MRPL13: variants seen among roughly 807,000 people sequenced by gnomAD.
MRPL13 encodes the protein mitochondrial ribosomal protein L13.
A neutral mutation model predicts 29.0 loss-of-function variants in MRPL13; 33 were observed. The observed-to-expected ratio is 1.14, with a 90% confidence interval of 0.86 to 1.52. The LOEUF (loss-of-function observed/expected upper bound fraction) is 1.52. Among genes scored for constraint, MRPL13 ranks in the 40% most tolerant of loss-of-function variants. MRPL13 has a pLI of 0.00. For missense variants in MRPL13, 227 were observed against 216.7 expected, an observed-to-expected ratio of 1.05 and a Z score of -0.30; for synonymous variants, 77 against 68.4, an observed-to-expected ratio of 1.13 and a Z score of -0.62.
intron 4 of MRPL13, among the ~76,000 whole-genome samples, chr8:120,424,288 C>T (rs542876803): frequency 6.6e-6 from 1 of 151,848 alleles, no homozygotes; most frequent in East Asian, 1.9e-4. Flanking sequence ...TAACACTAAA[C>T]CTTCAAAATA....
At chr8:120,440,098 G>A (rs149764960) in intron 2 of MRPL13, among the ~76,000 whole-genome samples, 1 of 152,248 alleles carries the variant, frequency 6.6e-6, no homozygotes, top group Non-Finnish European at 1.5e-5. Flanking sequence ...AGTGAAAGAA[G>A]GTAGATAATA....
At chr8:120,424,950 G>A (rs1272274680) in intron 4 of MRPL13, among the ~76,000 whole-genome samples, 1 of 151,708 alleles carries the variant, frequency 6.6e-6, no homozygotes, top group Non-Finnish European at 1.5e-5. Context: ...AATATAAGAA[G>A]AACACACTTA....
intron 5 of MRPL13, among the ~76,000 whole-genome samples, chr8:120,418,929 G>T (rs1019229937): frequency 6.6e-6 from 1 of 151,966 alleles, no homozygotes; most frequent in African/African-American, 2.4e-5. Flanking sequence ...AACTATTCAT[G>T]TATTGTTTAA....
chr8:120,423,062 C>CAGAAAAT (rs1393351488), intron 4 of MRPL13, among the ~76,000 whole-genome samples: 1 of 151,672 alleles, frequency 6.6e-6, no homozygotes, highest in Non-Finnish European at 1.5e-5. Flanking sequence ...ACATGATAAA[C>CAGAAAAT]AGAAGACTAT....
chr8:120,413,224 C>T (rs890036865), intron 6 of MRPL13, among the ~76,000 whole-genome samples: 1 of 152,174 alleles, frequency 6.6e-6, no homozygotes, highest in Non-Finnish European at 1.5e-5. Context: ...TAAATACTGG[C>T]TGAGTGTCTA....
chr8:120,406,914 T>C (rs1355275960), intron 6 of MRPL13, among the ~76,000 whole-genome samples: 2 of 152,174 alleles, frequency 1.3e-5, no homozygotes, highest in African/African-American at 4.8e-5. Flanking sequence ...CTTTCGAAAA[T>C]AGTATTACAT....
chr8:120,412,772 A>T (rs1812754294), intron 6 of MRPL13, among the ~76,000 whole-genome samples: 1 of 152,192 alleles, frequency 6.6e-6, no homozygotes, highest in African/African-American at 2.4e-5. Context: ...TGCCCCCTTG[A>T]AGCTGACATG....
chr8:120,442,596 C>T (rs1056004916), intron 2 of MRPL13, among the ~76,000 whole-genome samples: 3 of 152,112 alleles, frequency 2.0e-5, no homozygotes, highest in African/African-American at 7.2e-5. Flanking sequence ...AGTATGAGGA[C>T]TAAAAACTGA....
At chr8:120,437,208 A>G (rs1813064424) in intron 2 of MRPL13, among the ~76,000 whole-genome samples, 1 of 152,198 alleles carries the variant, frequency 6.6e-6, no homozygotes, top group African/African-American at 2.4e-5. Context: ...TTTTACATTT[A>G]ACTGAATAGT....
At chr8:120,401,174 C>G (rs1812592345) in intron 6 of MRPL13, among the ~76,000 whole-genome samples, 1 of 152,100 alleles carries the variant, frequency 6.6e-6, no homozygotes, top group African/African-American at 2.4e-5. Flanking sequence ...ATCCTAATAC[C>G]AAAATCTAGC....
intron 5 of MRPL13, 84 bp downstream of exon 5, chr8:120,419,768 G>T: frequency 9.9e-7 from 1 of 1,009,722 alleles, no homozygotes; most frequent in Non-Finnish European, 1.4e-6. Context: ...TTGAAAATAA[G>T]TCTGTGGCAT....
At position 120,416,481 on chromosome 8, in the gene MRPL13, G is replaced by A. The variant is rs548505578; in HGVS notation, c.394-2369C>T. On this transcript the variant is annotated intron_variant, in intron 5 of 6. Transcript: ENST00000306185. Reference sequence around the variant, plus strand: ...TGCACTCCAGCCTGGGTGACAGAGCGAGACTCCGTCTCAAAATAAATAAAT... The same window carrying A: ...TGCACTCCAGCCTGGGTGACAGAGCAAGACTCCGTCTCAAAATAAATAAAT... 2.3e-3 allele frequency among the ~76,000 whole-genome samples: 349 copies of A among 152,224 alleles called. 1 individual carries two copies. The highest frequency in any genetic ancestry group is 3.8e-3 in the Non-Finnish European group (260 of 68,006).
rs550364637 is a variant in MRPL13, at chr8:120,399,974, G to T, written c.516-3849C>A. Among the ~76,000 whole-genome samples, 6 of 152,292 alleles carry T rather than the reference G, an allele frequency of 3.9e-5. 1 individual carries two copies. Among genetic ancestry groups the T allele is most frequent in the African/African-American group, 1.2e-4 (5 of 41,566 alleles). ...TATGCACCTAATTCAGGAGTACGCA[G>T]ATTCATAAAGCAAGTTCTTAGAGAC... On this transcript the variant is annotated intron_variant, in intron 6 of 6. Coordinates refer to ENST00000306185, the MANE Select transcript of MRPL13 (RefSeq NM_014078.6).
chr8:120,401,852 A>C (rs1390663119), intron 6 of MRPL13, among the ~76,000 whole-genome samples: 2 of 152,158 alleles, frequency 1.3e-5, no homozygotes, highest in African/African-American at 4.8e-5. Context: ...CCTATACACC[A>C]ACAACATGCA....
chr8:120,428,581 A>G (rs561788223), intron 3 of MRPL13, among the ~76,000 whole-genome samples: 1 of 152,326 alleles, frequency 6.6e-6, no homozygotes, highest in Admixed American at 6.5e-5. Context: ...AAATTTTTGC[A>G]AACTATGCAT....
intron 6 of MRPL13, among the ~76,000 whole-genome samples, chr8:120,411,985 T>C (rs1812745372): frequency 6.6e-6 from 1 of 152,220 alleles, no homozygotes. Context: ...ATATAATTTG[T>C]GAATTATTAT....
chr8:120,411,273 G>A (rs2130459451), intron 6 of MRPL13, among the ~76,000 whole-genome samples: 1 of 152,144 alleles, frequency 6.6e-6, no homozygotes, highest in African/African-American at 2.4e-5. Context: ...TTGCCATCTT[G>A]CCCAGGCCGG....
intron 3 of MRPL13, among the ~76,000 whole-genome samples, chr8:120,429,186 T>G (rs534074685): frequency 6.6e-6 from 1 of 152,262 alleles, no homozygotes; most frequent in East Asian, 1.9e-4. Context: ...AACAAGATCA[T>G]GTCCTTTGCA....
chr8:120,410,407 T>A (rs1027718526), intron 6 of MRPL13, among the ~76,000 whole-genome samples: 2 of 152,046 alleles, frequency 1.3e-5, no homozygotes, highest in African/African-American at 2.4e-5. Context: ...GAGAAAAAAA[T>A]TTTTTTCTAA....
Sources: allele counts gnomAD v4.1 joint callset (sites outside exome capture counted in the v4.1 genomes callset), GRCh38; gene constraint gnomAD v4.1.1; transcripts MANE v1.5; gene names NCBI Gene and HGNC (gene_info 2026-07-23, HGNC 2026-07-21).